The following TG variants were observed in gnomAD, a reference collection of about 807,000 sequenced individuals.
The protein encoded by TG is thyroid hormones.
In TG, 270 loss-of-function variants were observed where a neutral mutation model predicts 324.7. The observed-to-expected ratio is 0.83, with a 90% CI of 0.75 to 0.92. The LOEUF is 0.92. TG is among the 40% of genes least tolerant of loss of function. TG has a pLI of 0.00. For synonymous variants in TG, 1,401 were observed against 1,327.0 expected (o/e 1.06, Z -1.21); for missense variants, 3,591 against 3,456.4 (o/e 1.04, Z -0.98).
intron 21 of TG, among the ~76,000 whole-genome samples, chr8:132,921,748 G>T (rs1353686236): frequency 6.6e-6 from 1 of 152,156 alleles, no homozygotes; most frequent in Non-Finnish European, 1.5e-5. Flanking sequence ...TAACTCTTCA[G>T]CAGAAGTAGC....
At position 132,871,613 on chromosome 8, in the gene TG, C is replaced by A. The variant is rs1316939356; in HGVS notation, c.478+62C>A. The A allele has an allele frequency of 1.0e-5, 16 of 1,529,536 alleles. No homozygotes were observed. In the South Asian group the frequency reaches 1.7e-4, roughly 16 times the overall value. The allele number at this position is 1,529,536 out of a possible 1,614,324, so 94.7% of individuals were successfully genotyped here. ...GGAGGGGCTGAAGCTTTCCTCACTG[C>A]GATCCAACACATTTAGGGTTTCCTG... On this transcript the variant is annotated intron_variant, in intron 4 of 47. Coordinates refer to ENST00000220616, the MANE Select transcript of TG (RefSeq NM_003235.5).
chr8:132,901,329 C>T, intron 15 of TG, 24 bp from the exon 16 acceptor site: 3 of 1,613,754 alleles, frequency 1.9e-6, no homozygotes, highest in Non-Finnish European at 2.5e-6. Flanking sequence ...ATTCCCCAGC[C>T]CATCTGGCTT....
At position 132,887,422 on chromosome 8, in the gene TG, G is replaced by T. The variant is rs1246959281; in HGVS notation, c.2050G>T (p.Val684Phe). ...GSQPAGSTLF[V>F]PACTSEGHFL... ...CCAGCCTGCTGGCTCCACCTTGTTT[G>T]TCCCTGCTTGTACTAGTGAGGGACA... The change falls in exon 9 of 48, where the codon GTC (valine) becomes TTC (phenylalanine). Residue 684 changes from valine to phenylalanine, a missense_variant. Val to Phe is a conservative substitution (Grantham distance 50). Transcript: ENST00000220616. 3 of 1,614,162 alleles carry T rather than the reference G, an allele frequency of 1.9e-6. No individual in the cohort carries two copies. The highest frequency in any genetic ancestry group is 1.1e-5 in the South Asian group (1 of 91,084).
At chr8:132,995,602 A>G in intron 35 of TG, 1 of 853,102 alleles carries the variant, frequency 1.2e-6, no homozygotes, top group Non-Finnish European at 1.4e-6. Flanking sequence ...TGACCCCATG[A>G]AAGAGGAGTT....
At chr8:133,056,427 C>T (rs2131287866) in intron 41 of TG, among the ~76,000 whole-genome samples, 1 of 152,258 alleles carries the variant, frequency 6.6e-6, no homozygotes, top group Middle Eastern at 3.4e-3. Flanking sequence ...GTCATTAAAT[C>T]TGGGGGCCAG....
intron 35 of TG, among the ~76,000 whole-genome samples, chr8:132,986,642 G>A (rs1299796472): frequency 1.3e-5 from 2 of 151,954 alleles, no homozygotes; most frequent in East Asian, 1.9e-4. Flanking sequence ...TCATTTGATT[G>A]TTTATTATTA....
chr8:133,050,000 A>G, intron 41 of TG: 3 of 1,543,042 alleles, frequency 1.9e-6, no homozygotes, highest in Non-Finnish European at 2.7e-6. Context: ...TGTAAGAACA[A>G]GAACAGAGAA....
chr8:133,120,170 G>A (rs1030543035), intron 45 of TG, among the ~76,000 whole-genome samples: 3 of 152,252 alleles, frequency 2.0e-5, no homozygotes, highest in Middle Eastern at 3.4e-3. Flanking sequence ...TCACATGTAA[G>A]GTAGAGATTA....
Position 133,113,623 on chromosome 8 carries a change from G to A in TG, c.7754+20G>A, listed in dbSNP as rs1359843495. ...CACCCGGTAAGCTAAGCTGCAGGAG[G>A]GTGCAGATTCCTACTGCTATGTTTT... On this transcript the variant is annotated intron_variant, in intron 44 of 47. Transcript: ENST00000220616. 2 of 1,612,208 alleles carry A rather than the reference G, an allele frequency of 1.2e-6. No homozygotes were observed. Among genetic ancestry groups the A allele is most frequent in the Non-Finnish European group, 1.7e-6 (2 of 1,179,018 alleles).
chr8:133,101,280 C>T (rs1849219503), intron 43 of TG, among the ~76,000 whole-genome samples: 1 of 152,224 alleles, frequency 6.6e-6, no homozygotes, highest in Admixed American at 6.5e-5. Flanking sequence ...TATGCTCCCA[C>T]CCTCCCAACA....
intron 23 of TG, among the ~76,000 whole-genome samples, chr8:132,932,410 T>C (rs1029551653): frequency 2.0e-5 from 3 of 152,156 alleles, no homozygotes; most frequent in Non-Finnish European, 4.4e-5. Flanking sequence ...GCTCAGGAAT[T>C]GGATTGCAAA....
Position 132,900,417 on chromosome 8 carries a change from C to T in TG, c.3433+78C>T, listed in dbSNP as rs572131673. ...AGCGTGGAGTCCAAAGAGCTGGCTT[C>T]GTGTCCCAGCTCTACTGCTTCCATA... On this transcript the variant is annotated intron_variant, in intron 15 of 47. Coordinates refer to ENST00000220616, the MANE Select transcript of TG (RefSeq NM_003235.5). 5.6e-5 allele frequency: 74 copies of T among 1,319,210 alleles called. No homozygotes were observed. In the African/African-American group the frequency reaches 5.8e-4, roughly 10 times the overall value. 81.7% of individuals were successfully genotyped at this position (1,319,210 alleles called of 1,614,324 possible). A position where few individuals can be genotyped will look rare whatever the true frequency, so the allele number is the denominator to read the frequency against.
intron 35 of TG, chr8:133,002,274 T>C (rs1218017602): frequency 6.1e-6 from 6 of 985,384 alleles, no homozygotes; most frequent in South Asian, 4.7e-5. Flanking sequence ...CATGCAGCTC[T>C]ATAGTGATGT....
intron 41 of TG, among the ~76,000 whole-genome samples, chr8:133,072,246 C>G (rs578129570): frequency 6.6e-6 from 1 of 152,328 alleles, no homozygotes; most frequent in African/African-American, 2.4e-5. Context: ...CCCCCAACCC[C>G]TAAAATTGCT....
chr8:132,867,527 T>C (rs916398376), intron 1 of TG, among the ~76,000 whole-genome samples: 2 of 151,756 alleles, frequency 1.3e-5, no homozygotes, highest in Non-Finnish European at 2.9e-5. Context: ...GCTTCTGTTT[T>C]TTTTTTTTTT....
At position 132,893,649 on chromosome 8, in the gene TG, C is replaced by T. The variant is rs376578500; in HGVS notation, c.2762-41C>T. The T allele has an allele frequency of 5.0e-6, 8 of 1,612,386 alleles. No individual in the cohort carries two copies. In the African/African-American group the frequency reaches 8.0e-5, roughly 16 times the overall value. Reference sequence around the variant, plus strand: ...TTCATGGGAGTCAGAGGGAAGTCCACGTGGTGAGTGAGTCCATCTGTGTTA... The same window carrying T: ...TTCATGGGAGTCAGAGGGAAGTCCATGTGGTGAGTGAGTCCATCTGTGTTA... On this transcript the variant is annotated intron_variant, in intron 10 of 47. Transcript: ENST00000220616.
intron 43 of TG, among the ~76,000 whole-genome samples, chr8:133,104,514 G>GGCAGCT (rs1367804919): frequency 6.6e-6 from 1 of 152,188 alleles, no homozygotes; most frequent in East Asian, 1.9e-4. Context: ...ATCTCGCGTT[G>GGCAGCT]GCAGCTGACT....
At chr8:133,047,072 C>G (rs1175431938) in intron 41 of TG, 1 of 152,180 alleles carries the variant, frequency 6.6e-6, no homozygotes, top group Non-Finnish European at 1.5e-5. Flanking sequence ...ACATGGTACT[C>G]TCCTACTGTA....
rs75652143 is a variant in TG, at chr8:133,075,252, G to T, written c.7240-19792G>T. The T allele has an allele frequency of 2.1e-3, 940 of 437,282 alleles. 12 individuals are homozygous for T. Among genetic ancestry groups the T allele is most frequent in the African/African-American group, 0.019 (878 of 46,700 alleles). The allele number at this position is 437,282 out of a possible 1,614,324, so 27.1% of individuals were successfully genotyped here. ...TTCTCTAATTAAAAGGCAAATCAAT[G>T]GGGCTGTGAATTTGCTCTTGTACAT... On this transcript the variant is annotated intron_variant, in intron 41 of 47. Coordinates refer to ENST00000220616, the MANE Select transcript of TG (RefSeq NM_003235.5).
Sources: allele counts gnomAD v4.1 joint callset (sites outside exome capture counted in the v4.1 genomes callset), GRCh38; gene constraint gnomAD v4.1.1; transcripts MANE v1.5; gene names NCBI Gene and HGNC (gene_info 2026-07-23, HGNC 2026-07-21).